Variants in ATF7IP observed in about 807,000 individuals in gnomAD.
ATF7IP encodes activating transcription factor 7-interacting protein 1.
Under a neutral mutation model 106.4 loss-of-function variants are expected in ATF7IP, and 23 were observed. The observed-to-expected ratio is 0.22, with a 90% CI of 0.16 to 0.31. The LOEUF (loss-of-function observed/expected upper bound fraction) is 0.31, where lower values mean the gene tolerates loss of function less well. Among genes scored for constraint, ATF7IP ranks in the 10% least tolerant of loss-of-function variants. The probability of loss-of-function intolerance (pLI) is 1.00; values close to 1 mark genes in which losing one functional copy is unlikely to be tolerated. For synonymous variants in ATF7IP, 542 were observed against 539.0 expected (o/e 1.01, Z -0.08); for missense variants, 1,334 against 1,524.3 (o/e 0.88, Z 2.08).
At chr12:14,437,259 G>C (rs1942445677) in intron 4 of ATF7IP, among the ~76,000 whole-genome samples, 1 of 152,096 alleles carries the variant, frequency 6.6e-6, no homozygotes, top group African/African-American at 2.4e-5. Flanking sequence ...TATATTTAAG[G>C]ATGACATTTT....
chr12:14,437,628 G>C (rs1304629510), intron 4 of ATF7IP, among the ~76,000 whole-genome samples: 1 of 152,138 alleles, frequency 6.6e-6, no homozygotes, highest in Non-Finnish European at 1.5e-5. Flanking sequence ...TCTATTTTTA[G>C]TATGTATTAC....
chr12:14,455,573 T>C (rs1048596827), intron 6 of ATF7IP, among the ~76,000 whole-genome samples: 3 of 152,158 alleles, frequency 2.0e-5, no homozygotes, highest in Non-Finnish European at 2.9e-5. Flanking sequence ...AGAGATATTT[T>C]ATTCTTCCAT....
rs759067642 is a variant in ATF7IP, at chr12:14,475,933, TC to T, written c.2907del (p.Thr970GlnfsTer16). 1 of 1,613,894 alleles carries T rather than the reference TC, an allele frequency of 6.2e-7. No homozygotes were observed. Among genetic ancestry groups the T allele is most frequent in the South Asian group, 1.1e-5 (1 of 91,046 alleles). On this transcript the variant is annotated frameshift_variant, in exon 11 of 15. Transcript: ENST00000261168. LOFTEE classifies it high-confidence loss of function. Reference protein sequence around the residue: ...TGSDSSGVIDLTMDDEESGAS... With the variant: ...TGSDSSGVIDXTMDDEESGAS... ...AGTGATTCAAGTGGTGTCATTGATC[TC>T]ACAATGGATGATGAAGAGAGTGGAG...
intron 6 of ATF7IP, among the ~76,000 whole-genome samples, chr12:14,455,097 G>C (rs1421364804): frequency 1.3e-5 from 2 of 151,454 alleles, no homozygotes; most frequent in African/African-American, 4.9e-5. Flanking sequence ...AGAATCGCTT[G>C]AGCCTGGGAG....
chr12:14,454,651 C>G (rs1023119733), intron 6 of ATF7IP, among the ~76,000 whole-genome samples: 3 of 152,092 alleles, frequency 2.0e-5, no homozygotes, highest in African/African-American at 7.2e-5. Context: ...ACCCTCTCAA[C>G]TAATTTGTGG....
chr12:14,490,496 C>G (rs1233154603), intron 13 of ATF7IP, among the ~76,000 whole-genome samples: 1 of 152,186 alleles, frequency 6.6e-6, no homozygotes, highest in Non-Finnish European at 1.5e-5. Flanking sequence ...AAGCACACAG[C>G]CTGATGCACT....
chr12:14,423,652 T>C, intron 1 of ATF7IP: 1 of 241,782 alleles, frequency 4.1e-6, no homozygotes. Flanking sequence ...GAATTCCATA[T>C]TGGAAAAAAA....
intron 5 of ATF7IP, among the ~76,000 whole-genome samples, chr12:14,441,157 G>C (rs1240260375): frequency 6.6e-6 from 1 of 152,178 alleles, no homozygotes; most frequent in Non-Finnish European, 1.5e-5. Context: ...TCACCCAGCT[G>C]TTGTCCACAG....
chr12:14,464,823 T>TG (rs1943768158), intron 9 of ATF7IP, among the ~76,000 whole-genome samples: 1 of 152,230 alleles, frequency 6.6e-6, no homozygotes, highest in Non-Finnish European at 1.5e-5. Context: ...GAGAGAATCA[T>TG]GCTGGGTAAC....
rs200237168 is a variant in ATF7IP at position 14,466,609 on chromosome 12, C to T, written c.2862+19C>T. The T allele has an allele frequency of 4.9e-4, 767 of 1,561,924 alleles. 2 individuals carry two copies. The highest frequency in any genetic ancestry group is 9.8e-5 in the Non-Finnish European group (113 of 1,150,526). ...ATCACAGGTAAGATTTTTCCTTCTT[C>T]TTCAAAGTAAAATCCTAATTATGGT... On this transcript the variant is annotated intron_variant, in intron 10 of 14. Transcript: ENST00000261168.
chr12:14,457,768 A>G (rs547683845), intron 8 of ATF7IP, among the ~76,000 whole-genome samples: 1 of 152,292 alleles, frequency 6.6e-6, no homozygotes, highest in African/African-American at 2.4e-5. Flanking sequence ...TTAAACAGAA[A>G]TTTAAAAATG....
chr12:14,479,201 A>G (rs562286857), intron 12 of ATF7IP, among the ~76,000 whole-genome samples: 44 of 152,348 alleles, frequency 2.9e-4, no homozygotes, highest in African/African-American at 1.1e-3. Flanking sequence ...TTTCTCTGGA[A>G]GGGATGGATA....
chr12:14,478,979 A>T (rs556309035), intron 12 of ATF7IP, among the ~76,000 whole-genome samples: 1 of 152,348 alleles, frequency 6.6e-6, no homozygotes, highest in African/African-American at 2.4e-5. Flanking sequence ...AGTGTTTCTC[A>T]AAGTTACTTG....
At position 14,481,184 on chromosome 12, in the gene ATF7IP, T is replaced by C. The variant is rs753263394; in HGVS notation, c.3279T>C (p.Asn1093=). The C allele has an allele frequency of 1.9e-6, 3 of 1,613,460 alleles. No individual in the cohort carries two copies. The highest frequency in any genetic ancestry group is 2.5e-6 in the Non-Finnish European group (3 of 1,179,900). Residue 1093 remains asparagine, a splice_region_variant and synonymous_variant, in exon 13 of 15, where the codon AAT becomes AAC. Transcript: ENST00000261168. ...APAVRQVNPQ[N]SVTVRVPQTT... is the part of the protein sequence containing the mutation. ...CTGTTCGGCAGGTCAATCCCCAAAATAGTAAGAGATTTTTCTTGTATATGG... is the reference window on the plus strand; with the variant it reads ...CTGTTCGGCAGGTCAATCCCCAAAACAGTAAGAGATTTTTCTTGTATATGG...
intron 13 of ATF7IP, among the ~76,000 whole-genome samples, chr12:14,484,439 T>G (rs1327250596): frequency 6.6e-6 from 1 of 152,140 alleles, no homozygotes; most frequent in African/African-American, 2.4e-5. Flanking sequence ...TTACAACCCA[T>G]AAATATATAT....
intron 6 of ATF7IP, among the ~76,000 whole-genome samples, chr12:14,455,079 G>A (rs1943372091): frequency 6.6e-6 from 1 of 151,850 alleles, no homozygotes; most frequent in Admixed American, 6.6e-5. Flanking sequence ...CTCAGAGGCT[G>A]AGGCAGGAGA....
chr12:14,415,755 C>A (rs533128760), intron 1 of ATF7IP, among the ~76,000 whole-genome samples: 2 of 149,378 alleles, frequency 1.3e-5, no homozygotes, highest in Non-Finnish European at 3.0e-5. Flanking sequence ...GTTAAGAGAA[C>A]CGTAGCTGAC....
intron 9 of ATF7IP, among the ~76,000 whole-genome samples, chr12:14,464,129 T>C (rs1183165511): frequency 6.6e-6 from 1 of 152,086 alleles, no homozygotes; most frequent in Non-Finnish European, 1.5e-5. Context: ...CCTTGCAATA[T>C]AGTGAGACCC....
intron 2 of ATF7IP, among the ~76,000 whole-genome samples, chr12:14,425,829 G>T (rs950017054): frequency 6.6e-6 from 1 of 152,164 alleles, no homozygotes; most frequent in African/African-American, 2.4e-5. Flanking sequence ...AAATAACTTA[G>T]AACTAAAAGC....
Sources: gnomAD v4.1 joint callset for allele counts (sites outside exome capture counted in the v4.1 genomes callset) on GRCh38, gnomAD v4.1.1 for gene constraint, MANE v1.5 for transcripts, NCBI Gene and HGNC (gene_info 2026-07-23, HGNC 2026-07-21) for gene names.